The following SYT1 variants were observed in gnomAD, a reference collection of about 807,000 sequenced individuals.
SYT1 encodes synaptotagmin 1.
Under a neutral mutation model 44.8 loss-of-function variants are expected in SYT1, and 8 were observed. That is an observed-to-expected ratio of 0.18 (90% CI 0.10 to 0.32). The LOEUF (loss-of-function observed/expected upper bound fraction) is 0.32. SYT1 is among the 10% of genes least tolerant of loss of function. The pLI, the probability that SYT1 is intolerant of heterozygous loss-of-function variation, is 1.00. For synonymous variants in SYT1, 154 were observed against 188.8 expected, an observed-to-expected ratio of 0.82 and a Z score of 1.51; for missense variants, 286 against 509.3, an observed-to-expected ratio of 0.56 and a Z score of 4.22.
chr12:79,029,981 C>A (rs1433990190), intron 2 of SYT1, among the ~76,000 whole-genome samples: 1 of 150,964 alleles, frequency 6.6e-6, no homozygotes, highest in Non-Finnish European at 1.5e-5. Context: ...ATATAAACTA[C>A]ATGAAATTTT....
chr12:79,153,492 A>C (rs1473474115), intron 3 of SYT1, among the ~76,000 whole-genome samples: 3 of 152,162 alleles, frequency 2.0e-5, no homozygotes. Context: ...TGTGGTTAAA[A>C]ACTCAGTTGA....
rs141145560 is a variant in SYT1, at chr12:78,954,519, A to G, written c.-216-23280A>G. The stretch of plus-strand genomic sequence containing the variant: ...AGCTTTTCTTATAATAAAAATATAC[A>G]TGGAACATCAGAGAGAGAGAGAGAA... On this transcript the variant is annotated intron_variant, in intron 1 of 10. Coordinates refer to ENST00000261205, the MANE Select transcript of SYT1 (RefSeq NM_005639.3). 1.1e-3 allele frequency among the ~76,000 whole-genome samples: 167 copies of G among 152,140 alleles called. 1 individual carries two copies. The highest frequency in any genetic ancestry group is 3.9e-3 in the African/African-American group (160 of 41,546).
intron 9 of SYT1, among the ~76,000 whole-genome samples, chr12:79,417,990 T>C (rs893439479): frequency 1.3e-5 from 2 of 152,100 alleles, no homozygotes; most frequent in Non-Finnish European, 2.9e-5. Context: ...AAAACCTTAC[T>C]CTACCGTTAC....
chr12:79,082,473 A>ATAGT (rs1317719591), intron 3 of SYT1, among the ~76,000 whole-genome samples: 38 of 152,338 alleles, frequency 2.5e-4, no homozygotes, highest in African/African-American at 8.9e-4. Flanking sequence ...AACAGACATG[A>ATAGT]TCCCTATCCT....
intron 8 of SYT1, among the ~76,000 whole-genome samples, chr12:79,313,256 C>T (rs1040250260): frequency 9.9e-5 from 15 of 152,108 alleles, no homozygotes; most frequent in Admixed American, 7.2e-4. Flanking sequence ...CTTCCATACC[C>T]ATTAGTTATT....
chr12:79,211,416 T>A (rs1461730838), intron 3 of SYT1, among the ~76,000 whole-genome samples: 1 of 152,178 alleles, frequency 6.6e-6, no homozygotes, highest in Non-Finnish European at 1.5e-5. Context: ...ATTGAGAATT[T>A]CTAGAAGAAA....
intron 9 of SYT1, chr12:79,392,798 C>CTTTTTTTT (rs755888075): frequency 3.0e-5 from 3 of 98,888 alleles, no homozygotes; most frequent in African/African-American, 1.1e-4. Context: ...ATTTTTCTTT[C>CTTTTTTTT]TTTTTTTTTT....
intron 2 of SYT1, among the ~76,000 whole-genome samples, chr12:78,995,271 T>C (rs1326786948): frequency 2.0e-5 from 3 of 152,192 alleles, no homozygotes; most frequent in Non-Finnish European, 4.4e-5. Flanking sequence ...TGGAATAGGC[T>C]AAAAGCAAGT....
chr12:78,946,459 A>C lies in SYT1; in HGVS notation c.-216-31340A>C, dbSNP rs544411059. ...CACTTGAGGTCAGGAGTTCAAGACC[A>C]GCCTGGCCAACAAGGCAAAACTGCA... is the stretch of plus-strand genomic sequence containing the variant. On this transcript the variant is annotated intron_variant, in intron 1 of 10. Coordinates refer to ENST00000261205, the MANE Select transcript of SYT1 (RefSeq NM_005639.3). 3.8e-4 allele frequency among the ~76,000 whole-genome samples: 58 copies of C among 152,308 alleles called. 1 individual carries two copies. The South Asian group carries it at 0.011, about 29-fold the overall frequency.
At chr12:78,974,702 C>G (rs1487318967) in intron 1 of SYT1, among the ~76,000 whole-genome samples, 2 of 152,112 alleles carry the variant, frequency 1.3e-5, no homozygotes, top group Non-Finnish European at 2.9e-5. Context: ...TCCCAAAGTG[C>G]TCGCATTACA....
intron 1 of SYT1, among the ~76,000 whole-genome samples, chr12:78,964,433 G>C (rs1347016102): frequency 6.6e-6 from 1 of 152,020 alleles, no homozygotes; most frequent in Non-Finnish European, 1.5e-5. Context: ...TTAAAATTTA[G>C]GGTTACTGCA....
intron 2 of SYT1, among the ~76,000 whole-genome samples, chr12:79,016,862 T>C (rs1011518784): frequency 6.6e-6 from 1 of 152,148 alleles, no homozygotes; most frequent in Non-Finnish European, 1.5e-5. Flanking sequence ...ATTTGAAATG[T>C]AGTGTAGTTT....
At chr12:79,222,631 C>G (rs998802960) in intron 4 of SYT1, among the ~76,000 whole-genome samples, 1 of 152,166 alleles carries the variant, frequency 6.6e-6, no homozygotes, top group African/African-American at 2.4e-5. Flanking sequence ...GATCCACCCA[C>G]CTTGGCATCC....
At chr12:79,384,748 A>G (rs1312085614) in intron 9 of SYT1, among the ~76,000 whole-genome samples, 1 of 152,172 alleles carries the variant, frequency 6.6e-6, no homozygotes, top group Non-Finnish European at 1.5e-5. Context: ...ATAGCAGAAA[A>G]CAAGAATGAA....
At chr12:79,181,580 A>T (rs1308660225) in intron 3 of SYT1, among the ~76,000 whole-genome samples, 3 of 151,978 alleles carry the variant, frequency 2.0e-5, no homozygotes, top group Admixed American at 6.6e-5. Context: ...AATATATTTA[A>T]ATAGTTCCTG....
intron 1 of SYT1, among the ~76,000 whole-genome samples, chr12:78,944,468 G>A (rs889264298): frequency 6.6e-6 from 1 of 151,736 alleles, no homozygotes; most frequent in Non-Finnish European, 1.5e-5. Context: ...TCTAATATTT[G>A]TAAGTGGACT....
chr12:79,367,682 C>CA (rs963637137), intron 9 of SYT1, among the ~76,000 whole-genome samples: 31 of 147,430 alleles, frequency 2.1e-4, no homozygotes, highest in East Asian at 5.9e-4. Flanking sequence ...CTTGGCATTT[C>CA]AAAAAAAAAA....
chr12:79,267,808 A>G (rs1408228023), intron 4 of SYT1, among the ~76,000 whole-genome samples: 2 of 152,192 alleles, frequency 1.3e-5, no homozygotes, highest in African/African-American at 4.8e-5. Flanking sequence ...AGGCTTATCT[A>G]AATCCTCTGA....
At chr12:79,171,830 C>G (rs774993092) in intron 3 of SYT1, among the ~76,000 whole-genome samples, 2 of 151,816 alleles carry the variant, frequency 1.3e-5, no homozygotes, top group African/African-American at 4.8e-5. Flanking sequence ...TTAATAAAAT[C>G]GGTTTAATAA....
Sources: gnomAD v4.1 joint callset for allele counts (sites outside exome capture counted in the v4.1 genomes callset) on GRCh38, gnomAD v4.1.1 for gene constraint, MANE v1.5 for transcripts, NCBI Gene and HGNC (gene_info 2026-07-23, HGNC 2026-07-21) for gene names.